GRM7: variants seen among roughly 807,000 people sequenced by gnomAD.
GRM7 encodes glutamate metabotropic receptor 7.
A neutral mutation model predicts 84.5 loss-of-function variants in GRM7; 35 were observed. The observed-to-expected ratio is 0.41, with a 90% CI of 0.32 to 0.55. The LOEUF (loss-of-function observed/expected upper bound fraction) is 0.55. Among genes scored for constraint, GRM7 ranks in the 20% least tolerant of loss-of-function variants. The probability of loss-of-function intolerance (pLI) is 0.19; values close to 1 mark genes in which losing one functional copy is unlikely to be tolerated. For missense variants in GRM7, 1,003 were observed against 1,194.6 expected (o/e 0.84, Z 2.36); for synonymous variants, 487 against 455.1 (o/e 1.07, Z -0.89).
intron 2 of GRM7, among the ~76,000 whole-genome samples, chr3:7,238,684 C>T (rs1373655787): frequency 6.6e-6 from 1 of 152,074 alleles, no homozygotes; most frequent in Non-Finnish European, 1.5e-5. Flanking sequence ...GCTCACACTC[C>T]CCTTCTCCCT....
intron 1 of GRM7, among the ~76,000 whole-genome samples, chr3:6,924,995 C>T (rs1697250911): frequency 6.6e-6 from 1 of 152,060 alleles, no homozygotes; most frequent in African/African-American, 2.4e-5. Flanking sequence ...GAAGTCTATA[C>T]CTGAGGCTTC....
intron 4 of GRM7, among the ~76,000 whole-genome samples, chr3:7,375,802 G>A (rs140116548): frequency 3.9e-4 from 60 of 152,186 alleles, no homozygotes; most frequent in African/African-American, 1.3e-3. Context: ...TCAGAAAAAT[G>A]TCCTTGCCTA....
At chr3:6,877,619 T>G (rs1324099725) in intron 1 of GRM7, among the ~76,000 whole-genome samples, 2 of 152,132 alleles carry the variant, frequency 1.3e-5, no homozygotes, top group East Asian at 3.9e-4. Flanking sequence ...GTTTTTCAAA[T>G]TCGCTCTTTG....
chr3:7,417,130 AC>A (rs1169265071), intron 5 of GRM7, among the ~76,000 whole-genome samples: 1 of 152,152 alleles, frequency 6.6e-6, no homozygotes, highest in Non-Finnish European at 1.5e-5. Context: ...CCTCTACCTT[AC>A]AAAAATGGAA....
intron 7 of GRM7, among the ~76,000 whole-genome samples, chr3:7,554,061 C>A (rs1693632614): frequency 6.6e-6 from 1 of 152,122 alleles, no homozygotes; most frequent in Non-Finnish European, 1.5e-5. Flanking sequence ...ACCCTCTGTG[C>A]AAAGCTATGA....
intron 8 of GRM7, among the ~76,000 whole-genome samples, chr3:7,675,752 G>C (rs1244958292): frequency 6.6e-6 from 1 of 152,146 alleles, no homozygotes; most frequent in African/African-American, 2.4e-5. Flanking sequence ...AATATATAAA[G>C]TGGTTACAGT....
intron 8 of GRM7, among the ~76,000 whole-genome samples, chr3:7,657,825 T>C (rs1699270567): frequency 6.6e-6 from 1 of 152,202 alleles, no homozygotes; most frequent in Non-Finnish European, 1.5e-5. Context: ...TTTAGCTGGC[T>C]TTTAAGTTTC....
At chr3:7,534,735 G>A (rs1407640163) in intron 7 of GRM7, among the ~76,000 whole-genome samples, 2 of 152,132 alleles carry the variant, frequency 1.3e-5, no homozygotes, top group African/African-American at 4.8e-5. Context: ...TATCTTTACA[G>A]AGTATATATC....
At chr3:7,520,677 C>CTGTGCCCTTGTTCTGATTCAT (rs1700562780) in intron 7 of GRM7, among the ~76,000 whole-genome samples, 1 of 151,942 alleles carries the variant, frequency 6.6e-6, no homozygotes, top group Admixed American at 6.6e-5. Context: ...GCCTGATTCA[C>CTGTGCCCTTGTTCTGATTCAT]ACTGTGCCCT....
chr3:7,417,376 T>C (rs974385477), intron 5 of GRM7, among the ~76,000 whole-genome samples: 3 of 152,174 alleles, frequency 2.0e-5, no homozygotes, highest in African/African-American at 7.2e-5. Context: ...TTTGTTTGTT[T>C]TCCTTGTCCT....
chr3:7,400,560 C>A (rs145073861), intron 4 of GRM7, among the ~76,000 whole-genome samples: 6 of 152,248 alleles, frequency 3.9e-5, no homozygotes, highest in African/African-American at 1.2e-4. Flanking sequence ...ACCACCTCAC[C>A]CTTTGTGCTT....
intron 1 of GRM7, among the ~76,000 whole-genome samples, chr3:6,936,119 A>G (rs1575035796): frequency 6.6e-6 from 1 of 152,062 alleles, no homozygotes; most frequent in Non-Finnish European, 1.5e-5. Flanking sequence ...AACACCTGTG[A>G]TTTCTCCAGC....
At chr3:7,525,291 T>C (rs1490755557) in intron 7 of GRM7, among the ~76,000 whole-genome samples, 5 of 152,032 alleles carry the variant, frequency 3.3e-5, no homozygotes, top group African/African-American at 1.2e-4. Flanking sequence ...AAATCTGTGG[T>C]ACACGTGTCG....
intron 4 of GRM7, among the ~76,000 whole-genome samples, chr3:7,378,918 T>C (rs1023549926): frequency 2.6e-5 from 4 of 152,290 alleles, no homozygotes; most frequent in African/African-American, 4.8e-5. Context: ...AACAATGTCA[T>C]GCAATGCATG....
At chr3:7,519,276 C>T (rs373055696) in intron 7 of GRM7, among the ~76,000 whole-genome samples, 2 of 151,774 alleles carry the variant, frequency 1.3e-5, no homozygotes, top group South Asian at 2.1e-4. Flanking sequence ...GCAGGAGAAT[C>T]GCTGAAACTC....
intron 1 of GRM7, among the ~76,000 whole-genome samples, chr3:6,938,337 TC>T (rs1324559292): frequency 6.6e-6 from 1 of 152,202 alleles, no homozygotes; most frequent in Non-Finnish European, 1.5e-5. Context: ...CATGTGGCTT[TC>T]CAGAAGTATT....
At chr3:7,377,785 T>C (rs1694416862) in intron 4 of GRM7, among the ~76,000 whole-genome samples, 1 of 152,206 alleles carries the variant, frequency 6.6e-6, no homozygotes, top group Admixed American at 6.5e-5. Flanking sequence ...GGAAATTATA[T>C]GAGTTCAAAA....
intron 8 of GRM7, among the ~76,000 whole-genome samples, chr3:7,677,043 C>A (rs1031885355): frequency 1.3e-5 from 2 of 151,826 alleles, no homozygotes; most frequent in African/African-American, 4.8e-5. Flanking sequence ...AGGAGGATCA[C>A]GAGGTCAGGA....
intron 4 of GRM7, among the ~76,000 whole-genome samples, chr3:7,357,426 C>A (rs879384768): frequency 6.6e-6 from 1 of 152,038 alleles, no homozygotes; most frequent in Non-Finnish European, 1.5e-5. Flanking sequence ...CCATAGAACT[C>A]ATTTCCCCTC....
Sources: allele counts gnomAD v4.1 joint callset (sites outside exome capture counted in the v4.1 genomes callset), GRCh38; gene constraint gnomAD v4.1.1; transcripts MANE v1.5; gene names NCBI Gene and HGNC (gene_info 2026-07-23, HGNC 2026-07-21).